The following AXL variants were observed in gnomAD, a reference collection of about 807,000 sequenced individuals.
The protein encoded by AXL is tyrosine-protein kinase receptor UFO.
In AXL, 52 loss-of-function variants were observed where a neutral mutation model predicts 104.5. The observed-to-expected ratio is 0.50, with a 90% CI of 0.40 to 0.63. The LOEUF is 0.63. AXL is among the 20% of genes least tolerant of loss of function. AXL has a pLI of 0.00. For synonymous variants in AXL, 455 were observed against 473.7 expected (o/e 0.96, Z 0.51); for missense variants, 1,024 against 1,188.5 (o/e 0.86, Z 2.04).
intron 1 of AXL, chr19:41,220,343 A>T (rs2033766381): frequency 2.8e-6 from 1 of 356,588 alleles, no homozygotes. Context: ...GACCTAAGAG[A>T]GGACGGAGGG....
chr19:41,222,742 T>TAA (rs2033814193), intron 4 of AXL, among the ~76,000 whole-genome samples: 1 of 149,818 alleles, frequency 6.7e-6, no homozygotes, highest in Admixed American at 6.7e-5. Flanking sequence ...CCATCTCTAC[T>TAA]AAAAATACAA....
intron 2 of AXL, 110 bp from the exon 3 acceptor site, chr19:41,221,036 G>T (rs1219545610): frequency 8.3e-7 from 1 of 1,199,710 alleles, no homozygotes; most frequent in Admixed American, 2.4e-5. Flanking sequence ...GACATACTTC[G>T]TGGTTGTCAT....
intron 14 of AXL, among the ~76,000 whole-genome samples, chr19:41,249,493 C>A (rs566106040): frequency 2.6e-5 from 4 of 151,046 alleles, no homozygotes; most frequent in Non-Finnish European, 5.9e-5. Context: ...TGGTGGCTCA[C>A]GTCTGTAATC....
intron 4 of AXL, among the ~76,000 whole-genome samples, chr19:41,225,366 C>T (rs1239667695): frequency 6.6e-6 from 1 of 152,152 alleles, no homozygotes; most frequent in African/African-American, 2.4e-5. Context: ...CATCCAGCTC[C>T]ATCTTATGGC....
At chr19:41,248,057 G>A (rs1035640269) in intron 12 of AXL, among the ~76,000 whole-genome samples, 3 of 151,000 alleles carry the variant, frequency 2.0e-5, no homozygotes, top group African/African-American at 7.3e-5. Flanking sequence ...CCAGTAGCTG[G>A]GACTACAGGC....
chr19:41,226,789 G>T lies in AXL; in HGVS notation c.587-4178G>T, dbSNP rs550756026. On this transcript the variant is annotated intron_variant, in intron 4 of 19. Transcript: ENST00000301178. ...GTAAACAACACGCAGAACTGCAGTC[G>T]CACTTACAAGACTTGGTCCCAGGGC... 3.0e-6 allele frequency: 3 copies of T among 985,642 alleles called. No individual in the cohort carries two copies. In the South Asian group the frequency reaches 1.4e-4, roughly 46 times the overall value. 61.1% of individuals were successfully genotyped at this position (985,642 alleles called of 1,614,324 possible).
At chr19:41,241,687 AC>A (rs1299016609) in intron 10 of AXL, among the ~76,000 whole-genome samples, 1 of 151,846 alleles carries the variant, frequency 6.6e-6, no homozygotes, top group Non-Finnish European at 1.5e-5. Flanking sequence ...AAAAAAGAAT[AC>A]AAAAATTAGC....
intron 4 of AXL, 42 bp from the exon 5 acceptor site, chr19:41,230,925 C>T: frequency 6.3e-7 from 1 of 1,598,858 alleles, no homozygotes; most frequent in Non-Finnish European, 8.6e-7. Context: ...GCCCTTCCTG[C>T]CCCTCTCTGA....
chr19:41,231,896 C>T (rs1215303764), intron 6 of AXL, among the ~76,000 whole-genome samples: 1 of 149,836 alleles, frequency 6.7e-6, no homozygotes, highest in Non-Finnish European at 1.5e-5. Context: ...CACTGCTCTC[C>T]AGCCTGGGTG....
chr19:41,251,466 G>T (rs2034359615), intron 14 of AXL, among the ~76,000 whole-genome samples: 1 of 151,882 alleles, frequency 6.6e-6, no homozygotes, highest in Non-Finnish European at 1.5e-5. Flanking sequence ...GGAGGCTGAG[G>T]TACGAGAATC....
chr19:41,236,927 CATT>C (rs2034090485), intron 6 of AXL, among the ~76,000 whole-genome samples: 2 of 151,868 alleles, frequency 1.3e-5, no homozygotes, highest in South Asian at 2.1e-4. Context: ...TTTCTTAAAA[CATT>C]ATGAGATTTG....
intron 6 of AXL, among the ~76,000 whole-genome samples, chr19:41,235,037 T>C (rs2034054394): frequency 6.6e-6 from 1 of 152,164 alleles, no homozygotes; most frequent in African/African-American, 2.4e-5. Context: ...TTGACACTTG[T>C]TGCCAGGAAA....
intron 12 of AXL, among the ~76,000 whole-genome samples, chr19:41,244,975 G>C (rs1253939613): frequency 6.6e-6 from 1 of 151,312 alleles, no homozygotes. Flanking sequence ...CTGTCACCCA[G>C]GATGGAGTGC....
At chr19:41,220,568 CAG>C in intron 1 of AXL, 66 bp from the exon 2 acceptor site, 3 of 1,393,304 alleles carry the variant, frequency 2.2e-6, no homozygotes, top group Non-Finnish European at 2.9e-6. Flanking sequence ...CAGGCAAGGA[CAG>C]GGTGGAACTG....
intron 4 of AXL, among the ~76,000 whole-genome samples, chr19:41,225,970 G>C (rs974676171): frequency 5.3e-5 from 8 of 152,188 alleles, no homozygotes; most frequent in African/African-American, 1.9e-4. Flanking sequence ...GGAGAGCAGG[G>C]GTTGTGGGGG....
chr19:41,220,121 C>G (rs922582032), intron 1 of AXL, among the ~76,000 whole-genome samples: 1 of 151,962 alleles, frequency 6.6e-6, no homozygotes, highest in Admixed American at 6.6e-5. Flanking sequence ...CCTCCGCCCC[C>G]ACCTTTTCTT....
rs909154631 is a variant in AXL, at chr19:41,219,463, G to A, written c.71G>A (p.Cys24Tyr). The change falls in exon 1 of 20, where the codon TGC becomes TAC. Residue 24 changes from cysteine to tyrosine, a missense_variant. Cys to Tyr is a radical substitution (Grantham distance 194). Transcript: ENST00000301178. ...TGCTTGGCGCTGTGCGGCTGGGCGT[G>A]CATGGCCCCCAGGGGTGAGTGATGG... ...AWCLALCGWA[C>Y]MAPRGTQAEE... 6.2e-7 allele frequency: 1 copy of A among 1,605,678 alleles called. No homozygotes were observed. Among genetic ancestry groups the A allele is most frequent in the South Asian group, 1.1e-5 (1 of 89,460 alleles).
At chr19:41,243,971 C>T (rs937874885) in intron 12 of AXL, 9 of 344,712 alleles carry the variant, frequency 2.6e-5, no homozygotes, top group Admixed American at 1.3e-4. Context: ...TTCGGGGGGC[C>T]GAGGTGGGAG....
intron 2 of AXL, 110 bp from the exon 3 acceptor site, chr19:41,221,036 G>A (rs1219545610): frequency 3.3e-6 from 4 of 1,199,592 alleles, no homozygotes; most frequent in East Asian, 2.4e-5. Context: ...GACATACTTC[G>A]TGGTTGTCAT....
Sources: allele counts gnomAD v4.1 joint callset (sites outside exome capture counted in the v4.1 genomes callset), GRCh38; gene constraint gnomAD v4.1.1; transcripts MANE v1.5; gene names NCBI Gene and HGNC (gene_info 2026-07-23, HGNC 2026-07-21).